The following TUSC3 variants were observed in gnomAD, a reference collection of about 807,000 sequenced individuals.
The protein encoded by TUSC3 is dolichyl-diphosphooligosaccharide--protein glycosyltransferase subunit TUSC3.
In TUSC3, 45 loss-of-function variants were observed where a neutral mutation model predicts 44.8. The observed-to-expected ratio is 1.00, with a 90% CI of 0.79 to 1.29. The LOEUF (loss-of-function observed/expected upper bound fraction) is 1.29. Ranked by LOEUF, TUSC3 falls within the 50% of genes most tolerant of loss-of-function variation. The pLI, the probability that TUSC3 is intolerant of heterozygous loss-of-function variation, is 0.00. For synonymous variants in TUSC3, 212 were observed against 152.9 expected (o/e 1.39, Z -2.85); for missense variants, 519 against 437.9 (o/e 1.19, Z -1.65).
intron 2 of TUSC3, among the ~76,000 whole-genome samples, chr8:15,493,760 C>T (rs1157623769): frequency 6.6e-6 from 1 of 151,914 alleles, no homozygotes; most frequent in Non-Finnish European, 1.5e-5. Context: ...AAAAGTGAGC[C>T]CCCAAAATAA....
chr8:15,595,261 C>A (rs1804018140), intron 1 of TUSC3, among the ~76,000 whole-genome samples: 1 of 152,284 alleles, frequency 6.6e-6, no homozygotes, highest in East Asian at 1.9e-4. Context: ...ATTTGATCAG[C>A]ACTCAGCTGA....
At chr8:15,660,882 C>T (rs1020416691) in intron 4 of TUSC3, among the ~76,000 whole-genome samples, 9 of 142,826 alleles carry the variant, frequency 6.3e-5, no homozygotes, top group Non-Finnish European at 7.6e-5. Flanking sequence ...AGACTTTACG[C>T]ATTTAGTCGA....
chr8:15,486,117 G>C (rs1441753224), intron 2 of TUSC3, among the ~76,000 whole-genome samples: 1 of 152,150 alleles, frequency 6.6e-6, no homozygotes, highest in Non-Finnish European at 1.5e-5. Context: ...TAAGTGAATT[G>C]AATAACAGAT....
intron 1 of TUSC3, among the ~76,000 whole-genome samples, chr8:15,432,591 A>C (rs893619266): frequency 5.3e-5 from 8 of 152,180 alleles, no homozygotes; most frequent in Non-Finnish European, 1.2e-4. Context: ...GACATGGTGT[A>C]CTGATAAAAG....
intron 2 of TUSC3, among the ~76,000 whole-genome samples, chr8:15,489,969 G>C (rs1800786007): frequency 6.6e-6 from 1 of 152,112 alleles, no homozygotes; most frequent in Admixed American, 6.5e-5. Flanking sequence ...AATTCTGTTG[G>C]TGCTGAAATA....
At chr8:15,720,440 G>A (rs780624535) in intron 6 of TUSC3, among the ~76,000 whole-genome samples, 7 of 152,022 alleles carry the variant, frequency 4.6e-5, no homozygotes, top group Non-Finnish European at 8.8e-5. Context: ...CAAAGCCATG[G>A]TACTGTCAAC....
chr8:15,481,277 T>G (rs1393534946), intron 1 of TUSC3, among the ~76,000 whole-genome samples: 1 of 150,972 alleles, frequency 6.6e-6, no homozygotes, highest in Admixed American at 6.6e-5. Flanking sequence ...AAGTGGGGTC[T>G]TTAAGAGGTG....
chr8:15,623,679 AAATG>A (rs1719376361), intron 2 of TUSC3, among the ~76,000 whole-genome samples: 4 of 152,240 alleles, frequency 2.6e-5, no homozygotes, highest in African/African-American at 9.6e-5. Context: ...AAACAGTTTT[AAATG>A]AATGAAATGT....
the TUSC3 span, among the ~76,000 whole-genome samples, chr8:15,776,064 GA>G: frequency 6.6e-6 from 1 of 151,984 alleles, no homozygotes; most frequent in African/African-American, 2.4e-5. Flanking sequence ...TCCAAATACA[GA>G]ATAGTTTCTC....
At chr8:15,761,478 T>C (rs1812166955) in intron 10 of TUSC3, among the ~76,000 whole-genome samples, 1 of 152,208 alleles carries the variant, frequency 6.6e-6, no homozygotes, top group African/African-American at 2.4e-5. Flanking sequence ...TCTTATCCCT[T>C]GTGTGCGATT....
At chr8:15,504,032 A>T (rs1483338172) in intron 2 of TUSC3, among the ~76,000 whole-genome samples, 2 of 150,332 alleles carry the variant, frequency 1.3e-5, no homozygotes, top group South Asian at 2.1e-4. Flanking sequence ...AAAAAAAAAA[A>T]ATTCTGTAGA....
chr8:15,566,248 G>T (rs1802666816), intron 1 of TUSC3, among the ~76,000 whole-genome samples: 1 of 152,114 alleles, frequency 6.6e-6, no homozygotes, highest in African/African-American at 2.4e-5. Flanking sequence ...CCATTCTTTA[G>T]TAGTATGTTC....
At chr8:15,509,259 C>A (rs1225284386) in intron 2 of TUSC3, among the ~76,000 whole-genome samples, 1 of 152,212 alleles carries the variant, frequency 6.6e-6, no homozygotes, top group African/African-American at 2.4e-5. Context: ...AATTAAACCA[C>A]AGCCATCTAA....
In TUSC3 at chr8:15,673,820, C is replaced by T; in HGVS notation, c.782C>T (p.Pro261Leu). Residue 261 changes from proline (P) to leucine (L), a missense_variant, in exon 6 of 11, where the codon CCA becomes CTA. Pro to Leu is a moderately conservative substitution (Grantham distance 98). Transcript: ENST00000503731. ...GGACCTCCATATGCTCATAAGAACC[C>T]ACACAATGGACAAGTGGTAAGTGTA... The part of the protein sequence containing the change: ...IRGPPYAHKN[P>L]HNGQVSYIHG... The T allele has an allele frequency of 6.2e-7, 1 of 1,612,486 alleles. No homozygotes were observed. Among genetic ancestry groups the T allele is most frequent in the South Asian group, 1.1e-5 (1 of 91,044 alleles).
the TUSC3 span, among the ~76,000 whole-genome samples, chr8:15,819,234 C>T: frequency 6.6e-6 from 1 of 152,084 alleles, no homozygotes; most frequent in African/African-American, 2.4e-5. Context: ...TCAACTATCA[C>T]CTTTAATTAA....
chr8:15,724,377 T>C (rs578219640), intron 6 of TUSC3, among the ~76,000 whole-genome samples: 4 of 152,298 alleles, frequency 2.6e-5, no homozygotes, highest in Admixed American at 2.0e-4. Flanking sequence ...ATCTGTCATT[T>C]TATATAGACA....
chr8:15,716,240 A>G (rs111312956), intron 6 of TUSC3, among the ~76,000 whole-genome samples: 14 of 152,112 alleles, frequency 9.2e-5, no homozygotes, highest in Admixed American at 6.5e-5. Flanking sequence ...TGGGCGACAG[A>G]GTGAGACTCT....
At chr8:15,675,573 C>T (rs1008661010) in intron 6 of TUSC3, among the ~76,000 whole-genome samples, 9 of 151,948 alleles carry the variant, frequency 5.9e-5, no homozygotes, top group African/African-American at 1.9e-4. Context: ...AGTATAGTAC[C>T]AAATAGGTAG....
At chr8:15,722,183 C>T (rs1237360101) in intron 6 of TUSC3, among the ~76,000 whole-genome samples, 2 of 151,658 alleles carry the variant, frequency 1.3e-5, no homozygotes, top group East Asian at 1.9e-4. Context: ...GGAGGGGCAG[C>T]TATCGTGAAT....
Sources: allele counts gnomAD v4.1 joint callset (sites outside exome capture counted in the v4.1 genomes callset), GRCh38; gene constraint gnomAD v4.1.1; transcripts MANE v1.5; gene names NCBI Gene and HGNC (gene_info 2026-07-23, HGNC 2026-07-21).